MREG: variants seen among roughly 807,000 people sequenced by gnomAD.
MREG encodes the protein melanoregulin.
MREG carries 31 observed loss-of-function variants against 28.5 expected under a neutral mutation model. The ratio of observed to expected loss-of-function variants is 1.09; its 90% CI spans 0.82 to 1.47. The LOEUF is 1.47. Among genes scored for constraint, MREG ranks in the 40% most tolerant of loss-of-function variants. The probability of loss-of-function intolerance (pLI) is 0.00; values close to 1 mark genes in which losing one functional copy is unlikely to be tolerated. For synonymous variants in MREG, 106 were observed against 95.2 expected (o/e 1.11, Z -0.66); for missense variants, 256 against 257.4 (o/e 0.99, Z 0.04).
At chr2:215,981,861 A>C (rs1276940814) in intron 2 of MREG, among the ~76,000 whole-genome samples, 3 of 152,188 alleles carry the variant, frequency 2.0e-5, no homozygotes, top group African/African-American at 7.2e-5. Context: ...TGGCAGAGGT[A>C]TGCTTCTTAT....
intron 2 of MREG, among the ~76,000 whole-genome samples, chr2:215,982,896 A>G (rs1254461927): frequency 1.3e-5 from 2 of 152,180 alleles, no homozygotes; most frequent in Non-Finnish European, 2.9e-5. Context: ...AACATGAAGC[A>G]TGTTGCTTAG....
At chr2:216,033,940 C>A (rs1694751802), upstream of MREG, 1 of 152,166 alleles carries the variant, frequency 6.6e-6, no homozygotes, top group South Asian at 2.1e-4. Context: ...GCTCAGTAAT[C>A]GCTAGTTTTG....
chr2:215,970,256 C>T (rs977198300), intron 2 of MREG, among the ~76,000 whole-genome samples: 11 of 152,286 alleles, frequency 7.2e-5, no homozygotes, highest in African/African-American at 2.6e-4. Context: ...AAGACAGCCA[C>T]CTCCAAGCCA....
chr2:216,022,109 T>G (rs986825054), intron 1 of MREG, among the ~76,000 whole-genome samples: 1 of 152,032 alleles, frequency 6.6e-6, no homozygotes, highest in Non-Finnish European at 1.5e-5. Context: ...TAGCTGGGTG[T>G]GGTGGCTGGC....
At chr2:216,007,028 T>C (rs1694172272) in intron 1 of MREG, among the ~76,000 whole-genome samples, 1 of 152,208 alleles carries the variant, frequency 6.6e-6, no homozygotes, top group African/African-American at 2.4e-5. Flanking sequence ...AGGGCTCTGC[T>C]CTTTCTATGG....
At chr2:216,017,162 T>C (rs1009168490), upstream of MREG, among the ~76,000 whole-genome samples, 1 of 151,430 alleles carries the variant, frequency 6.6e-6, no homozygotes, top group Admixed American at 6.6e-5. Context: ...TGTTAGTGAG[T>C]TTTGTTTTGT....
chr2:215,994,206 T>G (rs1024939687), intron 2 of MREG, among the ~76,000 whole-genome samples: 2 of 151,980 alleles, frequency 1.3e-5, no homozygotes, highest in Non-Finnish European at 2.9e-5. Flanking sequence ...ATGTGGCACA[T>G]ATACTCCATG....
intron 2 of MREG, among the ~76,000 whole-genome samples, chr2:215,962,776 C>T (rs1366599385): frequency 6.6e-6 from 1 of 152,156 alleles, no homozygotes; most frequent in Non-Finnish European, 1.5e-5. Flanking sequence ...TACTGAGCAC[C>T]TCAACGTAGC....
intron 2 of MREG, among the ~76,000 whole-genome samples, chr2:215,961,108 C>A (rs940286408): frequency 2.0e-5 from 3 of 152,196 alleles, no homozygotes; most frequent in South Asian, 2.1e-4. Context: ...ACTGGACTAA[C>A]CTTGGAGTAG....
intron 1 of MREG, among the ~76,000 whole-genome samples, chr2:216,022,166 A>G (rs7594700): frequency 0.69 from 105,120 of 151,976 alleles, 36,680 homozygotes; most frequent in African/African-American, 0.76. Flanking sequence ...CAGGAGAATC[A>G]CTTGAACTTG....
chr2:216,031,457 G>GAGAA (rs1274456248), intron 1 of MREG, among the ~76,000 whole-genome samples: 3,281 of 117,602 alleles, frequency 0.028, 114 homozygotes, highest in African/African-American at 0.087. Flanking sequence ...GAAAGAAAGA[G>GAGAA]AGAAAGAAAG....
chr2:215,943,252 A>G lies in MREG; in HGVS notation c.*1611T>C, dbSNP rs1049128499. ...TAAAGTCTTTTCAGTAACATGAACC[A>G]TGATCTCTTGACAAGTTCCTTGCTT... is the stretch of plus-strand genomic sequence containing the variant. On this transcript the variant is annotated 3_prime_UTR_variant, in exon 5 of 5. Transcript: ENST00000263268. The G allele has an allele frequency of 1.0e-4, 36 of 345,606 alleles. No individual in the cohort carries two copies. The highest frequency in any genetic ancestry group is 6.6e-4 in the African/African-American group (31 of 46,886). The allele number at this position is 345,606 out of a possible 1,614,324, so 21.4% of individuals were successfully genotyped here. A position where few individuals can be genotyped will look rare whatever the true frequency, so the allele number is the denominator to read the frequency against.
At chr2:215,960,962 G>A (rs1225720340) in intron 2 of MREG, among the ~76,000 whole-genome samples, 3 of 152,216 alleles carry the variant, frequency 2.0e-5, no homozygotes, top group Non-Finnish European at 2.9e-5. Flanking sequence ...GTATGCAAGC[G>A]AAAAAGAGAA....
chr2:215,940,443 C>T (rs1011973998), downstream of MREG, among the ~76,000 whole-genome samples: 3 of 152,218 alleles, frequency 2.0e-5, no homozygotes, highest in African/African-American at 7.2e-5. Context: ...TGATCCCTCT[C>T]TGGGCATTGG....
chr2:216,012,907 T>TA (rs1694350353), intron 1 of MREG, among the ~76,000 whole-genome samples: 1 of 152,204 alleles, frequency 6.6e-6, no homozygotes, highest in Non-Finnish European at 1.5e-5. Flanking sequence ...GTCACAGTTG[T>TA]ATTTTATCAG....
At chr2:215,990,195 C>T (rs996787757) in intron 2 of MREG, among the ~76,000 whole-genome samples, 3 of 151,112 alleles carry the variant, frequency 2.0e-5, no homozygotes, top group African/African-American at 7.4e-5. Flanking sequence ...AACAGCGGAT[C>T]TCTCTGCAGA....
At chr2:215,964,552 CA>C (rs950904701) in intron 2 of MREG, among the ~76,000 whole-genome samples, 2 of 151,978 alleles carry the variant, frequency 1.3e-5, no homozygotes, top group Non-Finnish European at 2.9e-5. Context: ...AGATAATTCA[CA>C]AAAAAATCAA....
intron 2 of MREG, among the ~76,000 whole-genome samples, chr2:215,975,026 A>ATATATATATATG (rs1268461887): frequency 2.7e-5 from 4 of 145,688 alleles, no homozygotes; most frequent in African/African-American, 7.5e-5. Context: ...ATATATATAT[A>ATATATATATATG]TGAAATAATA....
rs574344615 is a variant in MREG, at chr2:216,020,327, T to C, written c.-68+12462A>G. Among the ~76,000 whole-genome samples, 251 of 152,260 alleles carry C rather than the reference T, an allele frequency of 1.6e-3. 1 individual carries two copies. Among genetic ancestry groups the C allele is most frequent in the African/African-American group, 5.7e-3 (237 of 41,536 alleles). On this transcript the variant is annotated intron_variant, in intron 1 of 3. Coordinates refer to the MREG transcript ENST00000420348. The stretch of plus-strand genomic sequence containing the variant: ...GGATCCAGGCCCTCCAAAGATAAAA[T>C]AAAGATTGGTCTCTTTTCATCTCTG...
Sources: allele counts gnomAD v4.1 joint callset (sites outside exome capture counted in the v4.1 genomes callset), GRCh38; gene constraint gnomAD v4.1.1; transcripts MANE v1.5; gene names NCBI Gene and HGNC (gene_info 2026-07-23, HGNC 2026-07-21).